RAB6A: variants seen among roughly 807,000 people sequenced by gnomAD.
RAB6A encodes RAB6A, member RAS oncogene family.
In RAB6A, 8 loss-of-function variants were observed where a neutral mutation model predicts 32.3. That is an observed-to-expected ratio of 0.25 (90% CI 0.15 to 0.45). The LOEUF (loss-of-function observed/expected upper bound fraction) is 0.45, where lower values mean the gene tolerates loss of function less well. Among genes scored for constraint, RAB6A ranks in the 20% least tolerant of loss-of-function variants. RAB6A has a pLI of 1.00. For synonymous variants in RAB6A, 73 were observed against 82.1 expected, an observed-to-expected ratio of 0.89 and a Z score of 0.60; for missense variants, 104 against 249.4, an observed-to-expected ratio of 0.42 and a Z score of 3.93.
At position 73,676,633 on chromosome 11, in the gene RAB6A, A is replaced by C. The variant is rs2134852568; in HGVS notation, c.*1265T>G. 6.0e-6 allele frequency: 1 copy of C among 167,230 alleles called. No individual in the cohort carries two copies. Among genetic ancestry groups the C allele is most frequent in the Non-Finnish European group, 1.5e-5 (1 of 68,112 alleles). 10.4% of individuals were successfully genotyped at this position (167,230 alleles called of 1,614,324 possible). On this transcript the variant is annotated 3_prime_UTR_variant, in exon 8 of 8. Coordinates refer to ENST00000336083, the MANE Select transcript of RAB6A (RefSeq NM_198896.2). Reference sequence around the variant, plus strand: ...AGACCCAACCTTAAAAAATGCTAAAAAATAAGGCATAAATCTGCATAATAT... The same window carrying C: ...AGACCCAACCTTAAAAAATGCTAAACAATAAGGCATAAATCTGCATAATAT...
intron 6 of RAB6A, among the ~76,000 whole-genome samples, chr11:73,706,275 G>A (rs893825770): frequency 3.3e-5 from 5 of 151,980 alleles, no homozygotes; most frequent in African/African-American, 4.8e-5. Context: ...CAGCACTTTG[G>A]GAGGCTGAGG....
chr11:73,719,355 A>T (rs1946099473), intron 3 of RAB6A, among the ~76,000 whole-genome samples: 1 of 152,244 alleles, frequency 6.6e-6, no homozygotes, highest in Non-Finnish European at 1.5e-5. Context: ...TCTCTTTCCT[A>T]TTGGGTCTAG....
chr11:73,744,673 G>A (rs1946556654), intron 1 of RAB6A, among the ~76,000 whole-genome samples: 1 of 152,032 alleles, frequency 6.6e-6, no homozygotes, highest in Non-Finnish European at 1.5e-5. Flanking sequence ...TATTCCAGTG[G>A]AAAGTTCAAA....
chr11:73,685,286 CTT>C (rs750488240), intron 6 of RAB6A, among the ~76,000 whole-genome samples: 36 of 117,224 alleles, frequency 3.1e-4, no homozygotes, highest in Admixed American at 4.7e-4. Flanking sequence ...TATAGAAAGT[CTT>C]TTTTTTTTTT....
chr11:73,727,454 T>TC (rs1405962396), intron 2 of RAB6A, among the ~76,000 whole-genome samples: 7 of 151,694 alleles, frequency 4.6e-5, no homozygotes, highest in Admixed American at 3.3e-4. Flanking sequence ...AACTTTTTTT[T>TC]CCCCCAAAAA....
intron 2 of RAB6A, chr11:73,722,307 A>ATGTGTGTG (rs1231102849): frequency 0.021 from 1,293 of 62,422 alleles, 68 homozygotes; most frequent in South Asian, 0.05. Flanking sequence ...GTGTGTGTGT[A>ATGTGTGTG]TATATATATA....
chr11:73,716,736 CAAAG>C (rs1320601949), intron 4 of RAB6A, among the ~76,000 whole-genome samples: 4 of 152,100 alleles, frequency 2.6e-5, no homozygotes, highest in African/African-American at 9.7e-5. Flanking sequence ...CCAAACATGA[CAAAG>C]AAAGCATTTT....
At chr11:73,696,776 T>TTTTTTTTTTTTTA (rs1565351087) in intron 6 of RAB6A, among the ~76,000 whole-genome samples, 1 of 151,944 alleles carries the variant, frequency 6.6e-6, no homozygotes, top group African/African-American at 2.4e-5. Flanking sequence ...CTAGAATTTT[T>TTTTTTTTTTTTTA]TTTTTTTTGC....
rs1256854231 is a variant in RAB6A at position 73,676,074 on chromosome 11, C to A, written c.*1824G>T. 6.0e-6 allele frequency: 1 copy of A among 167,090 alleles called. No homozygotes were observed. The highest frequency in any genetic ancestry group is 1.9e-4 in the East Asian group (1 of 5,208). 10.4% of individuals were successfully genotyped at this position (167,090 alleles called of 1,614,324 possible). On this transcript the variant is annotated 3_prime_UTR_variant, in exon 8 of 8. Transcript: ENST00000336083. The stretch of plus-strand genomic sequence containing the variant: ...CTGTAAGCATTTCTCTATTCAGATC[C>A]ATAATCCAAGTGCTCTCTGAATATT...
At chr11:73,736,198 G>A (rs1272510518) in intron 1 of RAB6A, among the ~76,000 whole-genome samples, 4 of 152,036 alleles carry the variant, frequency 2.6e-5, no homozygotes, top group Non-Finnish European at 5.9e-5. Context: ...AGAGGCCAAG[G>A]CGGGCAGATG....
At chr11:73,756,412 T>C (rs908687497) in intron 1 of RAB6A, among the ~76,000 whole-genome samples, 1 of 152,052 alleles carries the variant, frequency 6.6e-6, no homozygotes, top group Non-Finnish European at 1.5e-5. Context: ...TTTTTCCTTA[T>C]CTAACATATT....
At chr11:73,700,408 C>A (rs954503194) in intron 6 of RAB6A, among the ~76,000 whole-genome samples, 1 of 152,012 alleles carries the variant, frequency 6.6e-6, no homozygotes, top group Admixed American at 6.6e-5. Context: ...TATAGCAAGA[C>A]CCATCTCTAG....
Position 73,760,863 on chromosome 11 carries a change from G to A in RAB6A, c.-228C>T, listed in dbSNP as rs1946834466. On this transcript the variant is annotated 5_prime_UTR_variant, in exon 1 of 8. Transcript: ENST00000336083. ...TAGCACCGAGCGAGGCCCGCGGCTG[G>A]GAAGGGAAGGAGGGCGGTGTCGGCA... 1.9e-6 allele frequency: 1 copy of A among 533,120 alleles called. No homozygotes were observed. The highest frequency in any genetic ancestry group is 3.3e-6 in the Non-Finnish European group (1 of 303,292). 33.0% of individuals were successfully genotyped at this position (533,120 alleles called of 1,614,324 possible). A position where few individuals can be genotyped will look rare whatever the true frequency, so the allele number is the denominator to read the frequency against.
intron 1 of RAB6A, among the ~76,000 whole-genome samples, chr11:73,741,249 G>A (rs1946492155): frequency 6.6e-6 from 1 of 151,534 alleles, no homozygotes; most frequent in South Asian, 2.1e-4. Flanking sequence ...CCATTCTCCT[G>A]CCTCAGCCTC....
chr11:73,730,469 A>T (rs1946286301), intron 2 of RAB6A: 1 of 255,786 alleles, frequency 3.9e-6, no homozygotes, highest in African/African-American at 2.2e-5. Flanking sequence ...AAAATGTCAC[A>T]GAATCCTAGG....
chr11:73,734,283 G>A (rs112487376), intron 1 of RAB6A, among the ~76,000 whole-genome samples: 19,028 of 151,888 alleles, frequency 0.13, 1,292 homozygotes, highest in Admixed American at 0.16. Context: ...CCGCCACCAC[G>A]CCCAGCTAGT....
At chr11:73,694,281 CG>C in intron 6 of RAB6A, among the ~76,000 whole-genome samples, 1 of 152,294 alleles carries the variant, frequency 6.6e-6, no homozygotes, top group East Asian at 1.9e-4. Context: ...GGAATGTTTA[CG>C]TATTTTCTCA....
chr11:73,760,159 C>G, intron 1 of RAB6A: 1 of 1,232,106 alleles, frequency 8.1e-7, no homozygotes. Context: ...TGGGGCTTCC[C>G]TGAGTGGGCC....
At chr11:73,693,909 C>T (rs1267250672) in intron 6 of RAB6A, among the ~76,000 whole-genome samples, 1 of 151,934 alleles carries the variant, frequency 6.6e-6, no homozygotes, top group East Asian at 1.9e-4. Context: ...AGTGATCCCA[C>T]TGGCCCTCCC....
Sources: allele counts gnomAD v4.1 joint callset (sites outside exome capture counted in the v4.1 genomes callset), GRCh38; gene constraint gnomAD v4.1.1; transcripts MANE v1.5; gene names NCBI Gene and HGNC (gene_info 2026-07-23, HGNC 2026-07-21).